SHANK2: variants seen among roughly 807,000 people sequenced by gnomAD.
SHANK2 encodes the protein SH3 and multiple ankyrin repeat domains protein 2.
In SHANK2, 43 loss-of-function variants were observed where a neutral mutation model predicts 133.7. That is an observed-to-expected ratio of 0.32 (90% CI 0.25 to 0.41). SHANK2 has a LOEUF of 0.41. Among genes scored for constraint, SHANK2 ranks in the 10% least tolerant of loss-of-function variants. SHANK2 has a pLI of 1.00. For missense variants in SHANK2, 1,994 were observed against 2,235.8 expected, an observed-to-expected ratio of 0.89 and a Z score of 2.18; for synonymous variants, 1,017 against 952.8, an observed-to-expected ratio of 1.07 and a Z score of -1.24.
chr11:70,908,174 T>C, intron 10 of SHANK2: 1 of 258,604 alleles, frequency 3.9e-6, no homozygotes, highest in Non-Finnish European at 7.8e-6. Context: ...TGAAACAGAT[T>C]GTTGCTTAAG....
chr11:70,486,492 C>T lies in SHANK2; in HGVS notation c.3801G>A (p.Gln1267=). 6.2e-7 allele frequency: 1 copy of T among 1,614,100 alleles called. No individual in the cohort carries two copies. The highest frequency in any genetic ancestry group is 1.1e-5 in the South Asian group (1 of 91,084). Residue 1267 remains glutamine, a synonymous_variant, in exon 25 of 26, where the codon CAG becomes CAA. Transcript: ENST00000601538. This position sits in a 1 kb window ranked among gnomAD's most constrained non-coding sequence, Gnocchi z 8.0. ...LDAGFPTVTR[Q]NTRGPLRRQE... is the part of the protein sequence containing the mutation. ...GCCGCCTCAGGGGTCCCCGGGTGTT[C>T]TGCCTGGTGACCGTAGGGAAGCCGG...
chr11:71,096,917 G>A (rs1555095543), intron 6 of SHANK2, among the ~76,000 whole-genome samples: 2 of 152,192 alleles, frequency 1.3e-5, no homozygotes, highest in Non-Finnish European at 2.9e-5. Flanking sequence ...CTTGAATCCT[G>A]ACTTTTGACT....
chr11:70,944,335 C>T (rs1191391712), intron 10 of SHANK2, among the ~76,000 whole-genome samples: 1 of 152,216 alleles, frequency 6.6e-6, no homozygotes, highest in African/African-American at 2.4e-5. Context: ...AGGCCCGGCC[C>T]GGCCTCTGCC....
intron 8 of SHANK2, among the ~76,000 whole-genome samples, chr11:71,081,135 G>A (rs1951294658): frequency 6.6e-6 from 1 of 152,162 alleles, no homozygotes; most frequent in Non-Finnish European, 1.5e-5. Context: ...AGGAGCTGGG[G>A]ACACAGACAC....
chr11:70,615,581 T>A (rs559386752), intron 17 of SHANK2, among the ~76,000 whole-genome samples: 4 of 152,316 alleles, frequency 2.6e-5, no homozygotes, highest in African/African-American at 9.6e-5. Context: ...TCAGCTTTCC[T>A]GAGCCTTACA....
At chr11:70,593,981 G>A (rs2060363949) in intron 17 of SHANK2, among the ~76,000 whole-genome samples, 1 of 152,180 alleles carries the variant, frequency 6.6e-6, no homozygotes, top group Non-Finnish European at 1.5e-5. Flanking sequence ...GTGAGGAAGG[G>A]ATACAAGTGC....
At chr11:71,167,047 T>C (rs1395278382) in intron 2 of SHANK2, among the ~76,000 whole-genome samples, 2 of 150,776 alleles carry the variant, frequency 1.3e-5, no homozygotes, top group African/African-American at 4.9e-5. Flanking sequence ...TGCACTGCCC[T>C]TAATCCATTT....
intron 11 of SHANK2, chr11:70,863,163 T>A (rs1467839014): frequency 2.8e-6 from 1 of 361,698 alleles, no homozygotes; most frequent in Non-Finnish European, 5.5e-6. Context: ...AAATAATTTG[T>A]AGGCCAGACA....
intron 5 of SHANK2, among the ~76,000 whole-genome samples, chr11:71,111,873 C>G (rs1427923136): frequency 1.3e-5 from 2 of 152,148 alleles, no homozygotes; most frequent in African/African-American, 2.4e-5. Flanking sequence ...CAGAAGCACC[C>G]AGATCTTGCC....
chr11:70,581,221 TA>T (rs1364069494), intron 17 of SHANK2, among the ~76,000 whole-genome samples: 2 of 152,194 alleles, frequency 1.3e-5, no homozygotes, highest in African/African-American at 2.4e-5. Context: ...GTCACTGAAA[TA>T]AAACCACAAA....
intron 17 of SHANK2, among the ~76,000 whole-genome samples, chr11:70,513,853 A>G (rs1308960004): frequency 7.2e-5 from 11 of 152,224 alleles, no homozygotes; most frequent in African/African-American, 2.4e-4. Context: ...AAAGTAGAAC[A>G]GAGAGTATTA....
intron 22 of SHANK2, among the ~76,000 whole-genome samples, chr11:70,491,975 C>T (rs190024811): frequency 1.9e-4 from 29 of 152,324 alleles, no homozygotes; most frequent in Admixed American, 8.5e-4. Context: ...TCTTCCACAC[C>T]GGAGCATTTC....
chr11:70,711,369 A>T (rs1034198147), intron 14 of SHANK2, among the ~76,000 whole-genome samples: 2 of 152,242 alleles, frequency 1.3e-5, no homozygotes, highest in Non-Finnish European at 2.9e-5. Flanking sequence ...CGCAGGTTTT[A>T]AATCAGACGC....
At chr11:70,894,379 G>A (rs942071100) in intron 11 of SHANK2, among the ~76,000 whole-genome samples, 1 of 152,092 alleles carries the variant, frequency 6.6e-6, no homozygotes, top group Non-Finnish European at 1.5e-5. Flanking sequence ...GTAGAGACAG[G>A]GTTTCCTATG....
chr11:71,151,897 C>T (rs1330827980), intron 2 of SHANK2, among the ~76,000 whole-genome samples: 3 of 152,114 alleles, frequency 2.0e-5, no homozygotes, highest in Admixed American at 6.5e-5. Context: ...GAGGCCAGGG[C>T]TCCCGATCGC....
intron 10 of SHANK2, among the ~76,000 whole-genome samples, chr11:70,949,259 C>T (rs1435606724): frequency 1.3e-5 from 2 of 152,278 alleles, no homozygotes; most frequent in Non-Finnish European, 2.9e-5. Context: ...CCCCTCCCGG[C>T]TCCGCCCACA....
At chr11:70,737,500 G>A (rs1346963218) in intron 14 of SHANK2, among the ~76,000 whole-genome samples, 1 of 152,174 alleles carries the variant, frequency 6.6e-6, no homozygotes, top group Non-Finnish European at 1.5e-5. Context: ...GACTCTGTCC[G>A]AGTTCCCCAG....
chr11:70,502,632 C>T (rs1266580219), intron 18 of SHANK2, among the ~76,000 whole-genome samples, 164 bp downstream of exon 18: 9 of 151,894 alleles, frequency 5.9e-5, no homozygotes, highest in African/African-American at 1.2e-4. Context: ...AAGTCATTGT[C>T]GTGGGCTCTG....
intron 10 of SHANK2, among the ~76,000 whole-genome samples, chr11:70,955,325 G>A (rs1452830340): frequency 6.6e-6 from 1 of 152,026 alleles, no homozygotes; most frequent in Non-Finnish European, 1.5e-5. Context: ...AACAGTGGAA[G>A]TCCCTTTCAG....
Sources: allele counts gnomAD v4.1 joint callset (sites outside exome capture counted in the v4.1 genomes callset), GRCh38; gene constraint gnomAD v4.1.1; non-coding constraint Gnocchi (gnomAD v3.1); transcripts MANE v1.5; gene names NCBI Gene and HGNC (gene_info 2026-07-23, HGNC 2026-07-21).